The following ZBBX variants were observed in gnomAD, a reference collection of about 807,000 sequenced individuals.
The protein encoded by ZBBX is zinc finger B-box domain containing, also known as zinc finger B-box domain-containing protein 1.
ZBBX carries 101 observed loss-of-function variants against 108.5 expected under a neutral mutation model. The ratio of observed to expected loss-of-function variants is 0.93; its 90% CI spans 0.79 to 1.10. The LOEUF is 1.10. ZBBX is among the 50% of genes least tolerant of loss of function. The probability of loss-of-function intolerance (pLI) is 0.00; values close to 1 mark genes in which losing one functional copy is unlikely to be tolerated. For synonymous variants in ZBBX, 356 were observed against 323.4 expected, an observed-to-expected ratio of 1.10 and a Z score of -1.08; for missense variants, 1,009 against 941.4, an observed-to-expected ratio of 1.07 and a Z score of -0.94.
the ZBBX span, among the ~76,000 whole-genome samples, chr3:167,219,266 T>C: frequency 6.6e-6 from 1 of 152,024 alleles, no homozygotes; most frequent in African/African-American, 2.4e-5. Flanking sequence ...ATCTGCATTA[T>C]ACACCAAATG....
At chr3:167,247,762 A>G (rs975064313) in intron 20 of ZBBX, among the ~76,000 whole-genome samples, 4 of 152,030 alleles carry the variant, frequency 2.6e-5, no homozygotes, top group Non-Finnish European at 5.9e-5. Flanking sequence ...GGGACTAGGG[A>G]ACCTTTCCCA....
At chr3:167,353,746 C>G (rs975928087) in intron 8 of ZBBX, among the ~76,000 whole-genome samples, 4 of 151,862 alleles carry the variant, frequency 2.6e-5, no homozygotes, top group African/African-American at 9.7e-5. Flanking sequence ...TTACAATCAC[C>G]CTTGTATCTC....
intron 1 of ZBBX, among the ~76,000 whole-genome samples, chr3:167,388,176 C>T (rs1041378531): frequency 1.3e-5 from 2 of 151,780 alleles, no homozygotes; most frequent in African/African-American, 2.4e-5. Flanking sequence ...CAAAGAGCCA[C>T]GTTAAATGAG....
At position 167,276,934 on chromosome 3, in the gene ZBBX, A is replaced by G. The variant is rs1727702435; in HGVS notation, c.2254+5304T>C. Among the ~76,000 whole-genome samples, 2 of 152,320 alleles carry G rather than the reference A, an allele frequency of 1.3e-5. 1 individual carries two copies. The highest frequency in any genetic ancestry group is 4.1e-4 in the South Asian group (2 of 4,826). On this transcript the variant is annotated intron_variant, in intron 20 of 21. Coordinates refer to ENST00000675490, the MANE Select transcript of ZBBX (RefSeq NM_001199201.2). The stretch of plus-strand genomic sequence containing the variant: ...TACAAGCCAGAAGAGAGTGGGGGCC[A>G]ATATTCAACATTCTTAAAGAAAAGA...
At chr3:167,247,696 T>C (rs1721827421) in intron 20 of ZBBX, among the ~76,000 whole-genome samples, 1 of 151,964 alleles carries the variant, frequency 6.6e-6, no homozygotes, top group Non-Finnish European at 1.5e-5. Context: ...CCCGAGAGGT[T>C]AGAGCAGTGG....
At chr3:167,184,193 GA>G in the ZBBX span, among the ~76,000 whole-genome samples, 1 of 152,122 alleles carries the variant, frequency 6.6e-6, no homozygotes. Context: ...TATGTAAAAA[GA>G]AAATAAAATT....
At chr3:167,390,584 T>A (rs1748057371) in intron 1 of ZBBX, among the ~76,000 whole-genome samples, 1 of 152,198 alleles carries the variant, frequency 6.6e-6, no homozygotes, top group South Asian at 2.1e-4. Context: ...ATTTGGGCAG[T>A]ATGGCCATTT....
chr3:167,350,575 G>A lies in ZBBX; in HGVS notation c.433-60C>T. The A allele has an allele frequency of 3.3e-6, 4 of 1,229,518 alleles. No homozygotes were observed. The Admixed American group carries it at 6.4e-5, about 20-fold the overall frequency. The allele number at this position is 1,229,518 out of a possible 1,614,324, so 76.2% of individuals were successfully genotyped here. On this transcript the variant is annotated intron_variant, in intron 8 of 21. Coordinates refer to ENST00000675490, the MANE Select transcript of ZBBX (RefSeq NM_001199201.2). Reference sequence around the variant, plus strand: ...TATAAAATAGTATGATTTTTAGAAAGTGTTTGCATAAAGATGTCTTGTTTT... The same window carrying A: ...TATAAAATAGTATGATTTTTAGAAAATGTTTGCATAAAGATGTCTTGTTTT...
At chr3:167,231,847 T>G in the ZBBX span, among the ~76,000 whole-genome samples, 2 of 151,820 alleles carry the variant, frequency 1.3e-5, no homozygotes, top group African/African-American at 2.4e-5. Flanking sequence ...CAGTTGGAAT[T>G]CCATAAAGAA....
intron 20 of ZBBX, chr3:167,252,312 G>A: frequency 1.4e-6 from 1 of 704,842 alleles, no homozygotes; most frequent in South Asian, 1.6e-5. Context: ...ATCCAGTGGT[G>A]TGGAGGTGTA....
At chr3:167,390,502 GT>G (rs879773009) in intron 1 of ZBBX, among the ~76,000 whole-genome samples, 2,120 of 145,306 alleles carry the variant, frequency 0.015, 21 homozygotes, top group African/African-American at 0.024. Context: ...TAAAGTAGTT[GT>G]TTTTTTTTTT....
chr3:167,317,522 C>G lies in ZBBX; in HGVS notation c.1059G>C (p.Gln353His), dbSNP rs1442483504. The G allele has an allele frequency of 1.2e-6, 2 of 1,610,304 alleles. No individual in the cohort carries two copies. The highest frequency in any genetic ancestry group is 1.7e-6 in the Non-Finnish European group (2 of 1,178,206). The change falls in exon 13 of 22, where the codon CAG (glutamine) becomes CAC (histidine). Residue 353 changes from glutamine (Q) to histidine (H), a missense_variant. Gln to His is a conservative substitution (Grantham distance 24). Transcript: ENST00000675490. Reference sequence around the variant, plus strand: ...CTTCATCGTTTTCATTTTGAGAACACTGTGCATCACCAGTGGTTTCATGTG... The same window carrying G: ...CTTCATCGTTTTCATTTTGAGAACAGTGTGCATCACCAGTGGTTTCATGTG... ...PHPHETTGDA[Q>H]CSQNENDEDS...
chr3:167,288,836 C>T (rs1297784057), intron 19 of ZBBX, 31 bp downstream of exon 19: 15 of 1,461,744 alleles, frequency 1.0e-5, no homozygotes, highest in Middle Eastern at 1.7e-4. Context: ...AAGCTGCCAA[C>T]ATGGCACTGC....
At chr3:167,233,092 C>G in the ZBBX span, among the ~76,000 whole-genome samples, 456 of 151,902 alleles carry the variant, frequency 3.0e-3, 2 homozygotes, top group African/African-American at 0.01. Context: ...TCAGAGAAGC[C>G]TATGGCATAC....
intron 16 of ZBBX, among the ~76,000 whole-genome samples, chr3:167,311,120 T>C (rs1734515206): frequency 6.6e-6 from 1 of 152,074 alleles, no homozygotes; most frequent in Non-Finnish European, 1.5e-5. Flanking sequence ...AATAGATAAA[T>C]GAAACAGAAT....
At chr3:167,263,321 T>C (rs763986384) in intron 20 of ZBBX, among the ~76,000 whole-genome samples, 1 of 152,202 alleles carries the variant, frequency 6.6e-6, no homozygotes, top group Non-Finnish European at 1.5e-5. Flanking sequence ...GTTTTATTTA[T>C]TTGAAGTTAT....
chr3:167,331,696 G>C, intron 10 of ZBBX: 1 of 809,916 alleles, frequency 1.2e-6, no homozygotes, highest in South Asian at 5.7e-5. Context: ...AATGCTAAAA[G>C]AAATTTGAAG....
At chr3:167,400,452 A>C (rs1748391196) in intron 1 of ZBBX, among the ~76,000 whole-genome samples, 1 of 152,066 alleles carries the variant, frequency 6.6e-6, no homozygotes, top group Non-Finnish European at 1.5e-5. Flanking sequence ...TTCGCTGATG[A>C]CTGGTGATGA....
At chr3:167,397,769 G>GA in intron 1 of ZBBX, among the ~76,000 whole-genome samples, 1 of 146,866 alleles carries the variant, frequency 6.8e-6, no homozygotes, top group Non-Finnish European at 1.5e-5. Flanking sequence ...CTTTCAAAAG[G>GA]AAAAATGTCC....
Sources: gnomAD v4.1 joint callset for allele counts (sites outside exome capture counted in the v4.1 genomes callset) on GRCh38, gnomAD v4.1.1 for gene constraint, MANE v1.5 for transcripts, NCBI Gene and HGNC (gene_info 2026-07-23, HGNC 2026-07-21) for gene names.